GRM8: variants seen among roughly 807,000 people sequenced by gnomAD.
GRM8 encodes glutamate metabotropic receptor 8, also known as metabotropic glutamate receptor 8.
In GRM8, 47 loss-of-function variants were observed where a neutral mutation model predicts 87.2. The ratio of observed to expected loss-of-function variants is 0.54; its 90% CI spans 0.43 to 0.69. The LOEUF (loss-of-function observed/expected upper bound fraction) is 0.69. Among genes scored for constraint, GRM8 ranks in the 30% least tolerant of loss-of-function variants. The probability of loss-of-function intolerance (pLI) is 0.00; values close to 1 mark genes in which losing one functional copy is unlikely to be tolerated. For missense variants in GRM8, 1,019 were observed against 1,139.2 expected (o/e 0.89, Z 1.52); for synonymous variants, 396 against 404.5 (o/e 0.98, Z 0.25).
chr7:127,141,731 G>A (rs921513551), intron 2 of GRM8, among the ~76,000 whole-genome samples: 1 of 152,146 alleles, frequency 6.6e-6, no homozygotes, highest in Non-Finnish European at 1.5e-5. Context: ...TTCAGCATCT[G>A]TATGGAGAAG....
At chr7:126,724,184 A>G (rs1278585048) in intron 7 of GRM8, among the ~76,000 whole-genome samples, 1 of 152,162 alleles carries the variant, frequency 6.6e-6, no homozygotes, top group East Asian at 1.9e-4. Flanking sequence ...ATGGAAGATT[A>G]GCTAATTGTT....
At chr7:126,530,488 C>T (rs1205538818) in intron 9 of GRM8, among the ~76,000 whole-genome samples, 1 of 152,256 alleles carries the variant, frequency 6.6e-6, no homozygotes, top group Non-Finnish European at 1.5e-5. Context: ...GGGAGCCAGA[C>T]TCAGCCTTGC....
intron 7 of GRM8, among the ~76,000 whole-genome samples, chr7:126,764,541 A>T (rs1386368968): frequency 6.6e-6 from 1 of 152,016 alleles, no homozygotes; most frequent in East Asian, 1.9e-4. Flanking sequence ...GTGTTCAGAG[A>T]CTCTCAAATT....
rs190400152 is a variant in GRM8 at position 127,074,948 on chromosome 7, G to A, written c.727+31548C>T. 2.9e-3 allele frequency among the ~76,000 whole-genome samples: 444 copies of A among 152,284 alleles called. 1 individual carries two copies. The Middle Eastern group carries it at 0.031, about 10-fold the overall frequency. On this transcript the variant is annotated intron_variant, in intron 3 of 10. Transcript: ENST00000339582. Reference sequence around the variant, plus strand: ...TTCATGAGTGTCTCATTTACAAGCAGTCTCCCAAGCAGAGTATTCCAACAG... The same window carrying A: ...TTCATGAGTGTCTCATTTACAAGCAATCTCCCAAGCAGAGTATTCCAACAG...
intron 7 of GRM8, among the ~76,000 whole-genome samples, chr7:126,688,707 CT>C (rs1258678364): frequency 6.6e-6 from 1 of 150,896 alleles, no homozygotes; most frequent in Admixed American, 6.6e-5. Context: ...AATTCTGCCC[CT>C]CCTTTCCCTA....
intron 9 of GRM8, among the ~76,000 whole-genome samples, chr7:126,465,698 T>G (rs1804419562): frequency 6.6e-6 from 1 of 151,916 alleles, no homozygotes; most frequent in Non-Finnish European, 1.5e-5. Context: ...ATTCTAATAG[T>G]TTATCTGTAA....
At chr7:126,849,074 A>G (rs1796966237) in intron 6 of GRM8, among the ~76,000 whole-genome samples, 1 of 152,088 alleles carries the variant, frequency 6.6e-6, no homozygotes, top group African/African-American at 2.4e-5. Flanking sequence ...GCATAGGAAC[A>G]ACCTGCCCCT....
At chr7:126,529,011 G>T (rs1814372583) in intron 9 of GRM8, among the ~76,000 whole-genome samples, 1 of 152,190 alleles carries the variant, frequency 6.6e-6, no homozygotes, top group Non-Finnish European at 1.5e-5. Flanking sequence ...CTCAATAGTT[G>T]CATCAATTCT....
chr7:126,546,680 A>G (rs1817193907), intron 8 of GRM8, among the ~76,000 whole-genome samples: 1 of 152,200 alleles, frequency 6.6e-6, no homozygotes, highest in African/African-American at 2.4e-5. Flanking sequence ...CTCACAGGAC[A>G]CTTAGAATAA....
chr7:126,997,815 C>A (rs1405155036), intron 3 of GRM8, among the ~76,000 whole-genome samples: 1 of 151,752 alleles, frequency 6.6e-6, no homozygotes, highest in Non-Finnish European at 1.5e-5. Context: ...TAAAGAAAAG[C>A]CTGGGAACCA....
chr7:126,552,004 T>G (rs1792640788), intron 8 of GRM8, among the ~76,000 whole-genome samples: 1 of 152,158 alleles, frequency 6.6e-6, no homozygotes, highest in African/African-American at 2.4e-5. Flanking sequence ...AATTATATGC[T>G]TCACTCAATT....
chr7:127,202,233 A>G (rs17867790), intron 2 of GRM8, among the ~76,000 whole-genome samples: 29,416 of 150,190 alleles, frequency 0.2, 3,206 homozygotes, highest in Non-Finnish European at 0.25. Context: ...AGGCTGCAGT[A>G]TAGTGATGCC....
chr7:126,969,486 C>A (rs1288682314), intron 3 of GRM8, among the ~76,000 whole-genome samples: 1 of 152,178 alleles, frequency 6.6e-6, no homozygotes, highest in African/African-American at 2.4e-5. Flanking sequence ...ACTTTCTTTG[C>A]TCATCCATAA....
At chr7:126,442,193 C>T (rs1801548333) in intron 10 of GRM8, among the ~76,000 whole-genome samples, 2 of 152,024 alleles carry the variant, frequency 1.3e-5, no homozygotes, top group South Asian at 2.1e-4. Context: ...TTTCTTCCTT[C>T]CTTATTTTCT....
chr7:126,515,412 A>G (rs977412113), intron 9 of GRM8, among the ~76,000 whole-genome samples: 2 of 152,122 alleles, frequency 1.3e-5, no homozygotes, highest in Non-Finnish European at 2.9e-5. Context: ...ATTATACAAA[A>G]AGTCATCTAA....
At chr7:127,030,543 A>T (rs1817266584) in intron 3 of GRM8, among the ~76,000 whole-genome samples, 1 of 152,120 alleles carries the variant, frequency 6.6e-6, no homozygotes, top group Admixed American at 6.6e-5. Flanking sequence ...ATCTCAACTC[A>T]TTCTTTTATT....
intron 7 of GRM8, among the ~76,000 whole-genome samples, chr7:126,625,952 T>A (rs1011423010): frequency 3.3e-5 from 5 of 152,050 alleles, no homozygotes; most frequent in African/African-American, 2.4e-5. Flanking sequence ...CCTCTTTTCA[T>A]CTTATGTACT....
chr7:127,046,527 G>T (rs1440238560), intron 3 of GRM8, among the ~76,000 whole-genome samples: 4 of 152,142 alleles, frequency 2.6e-5, no homozygotes, highest in African/African-American at 9.7e-5. Context: ...AATTTCAAAT[G>T]GGAATAATAG....
At chr7:126,629,327 C>G (rs1014331931) in intron 7 of GRM8, among the ~76,000 whole-genome samples, 1 of 152,228 alleles carries the variant, frequency 6.6e-6, no homozygotes, top group East Asian at 1.9e-4. Context: ...AGCCAAAAAG[C>G]TTAATTCATT....
Sources: allele counts gnomAD v4.1 joint callset (sites outside exome capture counted in the v4.1 genomes callset), GRCh38; gene constraint gnomAD v4.1.1; transcripts MANE v1.5; gene names NCBI Gene and HGNC (gene_info 2026-07-23, HGNC 2026-07-21).